CHSY3: variants seen among roughly 807,000 people sequenced by gnomAD.
CHSY3 encodes chondroitin sulfate synthase 3, also known as N-acetylgalactosaminyl-proteoglycan 3-beta-glucuronosyltransferase 3.
Under a neutral mutation model 67.2 loss-of-function variants are expected in CHSY3, and 35 were observed. The ratio of observed to expected loss-of-function variants is 0.52; its 90% confidence interval spans 0.40 to 0.69. CHSY3 has a LOEUF of 0.69. Ranked by LOEUF, CHSY3 falls within the 30% of genes least tolerant of loss-of-function variation. The pLI is 0.00. For synonymous variants in CHSY3, 474 were observed against 434.7 expected, an observed-to-expected ratio of 1.09 and a Z score of -1.12; for missense variants, 1,069 against 1,138.5, an observed-to-expected ratio of 0.94 and a Z score of 0.88.
At chr5:130,098,605 A>G (rs1159630845) in intron 2 of CHSY3, among the ~76,000 whole-genome samples, 1 of 152,220 alleles carries the variant, frequency 6.6e-6, no homozygotes, top group Non-Finnish European at 1.5e-5. Flanking sequence ...GAACTACATG[A>G]GATGATTTAA....
At chr5:130,102,302 G>T (rs1767272006) in intron 2 of CHSY3, among the ~76,000 whole-genome samples, 1 of 152,034 alleles carries the variant, frequency 6.6e-6, no homozygotes, top group African/African-American at 2.4e-5. Flanking sequence ...AATTTTGAAA[G>T]AGGATATCTT....
At chr5:129,965,430 G>T (rs1395344726) in intron 2 of CHSY3, among the ~76,000 whole-genome samples, 2 of 151,892 alleles carry the variant, frequency 1.3e-5, no homozygotes, top group Non-Finnish European at 2.9e-5. Flanking sequence ...TCAAAAGTTT[G>T]CTTTAACTGT....
rs374343046 is a variant in CHSY3, at chr5:130,149,366, T to C, written c.1087-34863T>C. Reference sequence around the variant, plus strand: ...CAGTATCTGCTTCTGAGGAGGCCTCTGTAAACTTATAATTATGGCAGAAGG... The same window carrying C: ...CAGTATCTGCTTCTGAGGAGGCCTCCGTAAACTTATAATTATGGCAGAAGG... On this transcript the variant is annotated intron_variant, in intron 2 of 2. Coordinates refer to ENST00000305031, the MANE Select transcript of CHSY3 (RefSeq NM_175856.5). Among the ~76,000 whole-genome samples the C allele has an allele frequency of 1.1e-4, 17 of 152,320 alleles. 1 individual carries two copies. The highest frequency in any genetic ancestry group is 6.5e-4 in the Admixed American group (10 of 15,290).
chr5:130,158,475 G>C (rs1179124484), intron 2 of CHSY3, among the ~76,000 whole-genome samples: 1 of 152,186 alleles, frequency 6.6e-6, no homozygotes, highest in Non-Finnish European at 1.5e-5. Context: ...TAGCCAACAA[G>C]TGGTACCCGG....
At chr5:130,087,367 G>C (rs1160104017) in intron 2 of CHSY3, among the ~76,000 whole-genome samples, 2 of 152,236 alleles carry the variant, frequency 1.3e-5, no homozygotes, top group East Asian at 3.9e-4. Flanking sequence ...GTTCTGGCCA[G>C]GGCAATTAGG....
At chr5:129,928,001 A>G (rs952253952) in intron 2 of CHSY3, among the ~76,000 whole-genome samples, 3 of 152,048 alleles carry the variant, frequency 2.0e-5, no homozygotes, top group African/African-American at 7.2e-5. Context: ...GTGGTTATTA[A>G]TCATAAATTT....
chr5:130,079,454 A>T (rs1012966268), intron 2 of CHSY3, among the ~76,000 whole-genome samples: 1 of 152,156 alleles, frequency 6.6e-6, no homozygotes, highest in Non-Finnish European at 1.5e-5. Context: ...TGTGGAAAAT[A>T]GAATCTTGTT....
intron 2 of CHSY3, among the ~76,000 whole-genome samples, chr5:130,081,583 A>T (rs1580714374): frequency 1.3e-5 from 2 of 151,964 alleles, no homozygotes; most frequent in African/African-American, 4.8e-5. Context: ...CATAATACCC[A>T]CATGTTGTGG....
chr5:130,168,564 TAAAG>T (rs1344634473), intron 2 of CHSY3, among the ~76,000 whole-genome samples: 3 of 152,220 alleles, frequency 2.0e-5, no homozygotes, highest in East Asian at 1.9e-4. Flanking sequence ...TTTTTTAACT[TAAAG>T]AAACATTTAG....
At chr5:129,970,812 G>A (rs767635815) in intron 2 of CHSY3, among the ~76,000 whole-genome samples, 7 of 151,854 alleles carry the variant, frequency 4.6e-5, no homozygotes, top group Non-Finnish European at 8.8e-5. Context: ...AAGCCATGCT[G>A]CAATTTGAAT....
intron 2 of CHSY3, among the ~76,000 whole-genome samples, chr5:130,033,165 G>A (rs1471906913): frequency 6.6e-6 from 1 of 152,162 alleles, no homozygotes; most frequent in East Asian, 1.9e-4. Flanking sequence ...AAGTCCTCTA[G>A]CAACTCTGTT....
At chr5:130,051,725 C>T (rs946183621) in intron 2 of CHSY3, among the ~76,000 whole-genome samples, 6 of 151,898 alleles carry the variant, frequency 4.0e-5, no homozygotes, top group Middle Eastern at 3.4e-3. Flanking sequence ...GGGACAGAGA[C>T]CCGGGCAGAT....
At chr5:130,029,279 G>T (rs1296816824) in intron 2 of CHSY3, among the ~76,000 whole-genome samples, 1 of 152,028 alleles carries the variant, frequency 6.6e-6, no homozygotes, top group African/African-American at 2.4e-5. Flanking sequence ...TTATTTAGCA[G>T]GTCTCATGCT....
At chr5:130,161,252 C>G (rs954053425) in intron 2 of CHSY3, among the ~76,000 whole-genome samples, 1 of 152,038 alleles carries the variant, frequency 6.6e-6, no homozygotes, top group African/African-American at 2.4e-5. Context: ...ATCCTTTGAC[C>G]ACTTATTAGA....
chr5:129,908,430 G>A (rs1283055403), intron 2 of CHSY3, 70 bp downstream of exon 2: 8 of 1,545,134 alleles, frequency 5.2e-6, no homozygotes, highest in Admixed American at 1.9e-5. Flanking sequence ...CTAGGGCAGC[G>A]ATTCTATTCA....
chr5:129,994,532 G>A (rs1341495535), intron 2 of CHSY3, among the ~76,000 whole-genome samples: 2 of 151,866 alleles, frequency 1.3e-5, no homozygotes, highest in African/African-American at 2.4e-5. Flanking sequence ...CATTTGTCAC[G>A]TAGTTCTCAT....
intron 2 of CHSY3, among the ~76,000 whole-genome samples, chr5:130,049,804 C>G (rs1765276077): frequency 6.6e-6 from 1 of 150,976 alleles, no homozygotes. Flanking sequence ...TGTCAATAAC[C>G]ACGCCTCTTC....
intron 2 of CHSY3, among the ~76,000 whole-genome samples, chr5:130,029,034 G>T (rs1047865668): frequency 6.6e-6 from 1 of 151,622 alleles, no homozygotes; most frequent in East Asian, 1.9e-4. Flanking sequence ...CTTCTTTCCT[G>T]TGTGTTGGAT....
chr5:129,984,925 C>G (rs538056672), intron 2 of CHSY3, among the ~76,000 whole-genome samples: 9 of 151,998 alleles, frequency 5.9e-5, no homozygotes, highest in Non-Finnish European at 1.3e-4. Flanking sequence ...GGATATTAGA[C>G]CTTTGAGGAA....
Sources: gnomAD v4.1 joint callset for allele counts (sites outside exome capture counted in the v4.1 genomes callset) on GRCh38, gnomAD v4.1.1 for gene constraint, MANE v1.5 for transcripts, NCBI Gene and HGNC (gene_info 2026-07-23, HGNC 2026-07-21) for gene names.